Variants in MTA3 observed in about 807,000 individuals in gnomAD.
MTA3 encodes the protein metastasis-associated protein MTA3.
Under a neutral mutation model 83.5 loss-of-function variants are expected in MTA3, and 34 were observed. The ratio of observed to expected loss-of-function variants is 0.41; its 90% CI spans 0.31 to 0.54. MTA3 has a LOEUF of 0.54. Among genes scored for constraint, MTA3 ranks in the 20% least tolerant of loss-of-function variants. MTA3 has a pLI of 0.33. For missense variants in MTA3, 761 were observed against 726.4 expected (o/e 1.05, Z -0.55); for synonymous variants, 303 against 252.7 (o/e 1.20, Z -1.89).
In MTA3 at chr2:42,587,483, A is replaced by G. The variant is rs113420624; in HGVS notation, c.190+8283A>G. Among the ~76,000 whole-genome samples, 763 of 152,330 alleles carry G rather than the reference A, an allele frequency of 5.0e-3. 11 individuals are homozygous for G. The highest frequency in any genetic ancestry group is 0.017 in the African/African-American group (712 of 41,578). ...GTGAGAATTCTTGTGTATGAAATAA[A>G]ATACATACAAAAATGTATACACACG... is the stretch of plus-strand genomic sequence containing the variant. On this transcript the variant is annotated intron_variant, in intron 3 of 16. Transcript: ENST00000405094.
At chr2:42,645,506 C>T (rs1409436731) in intron 6 of MTA3, among the ~76,000 whole-genome samples, 2 of 149,622 alleles carry the variant, frequency 1.3e-5, no homozygotes, top group African/African-American at 5.0e-5. Context: ...GCTTGGGCAA[C>T]AGAGTGAGAC....
chr2:42,587,525 AT>A (rs1384459213), intron 3 of MTA3, among the ~76,000 whole-genome samples: 1 of 151,688 alleles, frequency 6.6e-6, no homozygotes, highest in African/African-American at 2.4e-5. Flanking sequence ...CCTTTGCAAT[AT>A]TTTTTTTCAA....
At chr2:42,549,663 T>C (rs1307702482) in intron 2 of MTA3, among the ~76,000 whole-genome samples, 4 of 128,970 alleles carry the variant, frequency 3.1e-5, no homozygotes, top group African/African-American at 9.1e-5. Flanking sequence ...ATTATATACA[T>C]ATACATATAT....
rs35095145 is a variant in MTA3, at chr2:42,728,996, T to G, written c.1759+5961T>G. Among the ~76,000 whole-genome samples, 4 of 151,924 alleles carry G rather than the reference T, an allele frequency of 2.6e-5. No individual in the cohort carries two copies. The East Asian group carries it at 7.7e-4, about 29-fold the overall frequency. ...TGTCTATTTTTGCTTTGGTTGCCTGTGCCTGTGGATATTACTCAAGAAATA... is the reference window on the plus strand; with the variant it reads ...TGTCTATTTTTGCTTTGGTTGCCTGGGCCTGTGGATATTACTCAAGAAATA... On this transcript the variant is annotated intron_variant, in intron 16 of 16. Coordinates refer to ENST00000405094, the MANE Select transcript of MTA3 (RefSeq NM_001330442.2).
Position 42,568,655 on chromosome 2 carries a change from G to A in MTA3, c.-91G>A. 1.0e-6 allele frequency: 1 copy of A among 996,958 alleles called. No individual in the cohort carries two copies. Among genetic ancestry groups the A allele is most frequent in the Non-Finnish European group, 1.3e-6 (1 of 792,286 alleles). The allele number at this position is 996,958 out of a possible 1,614,324, so 61.8% of individuals were successfully genotyped here. On this transcript the variant is annotated 5_prime_UTR_variant, in exon 1 of 17. Transcript: ENST00000405094. Reference sequence around the variant, plus strand: ...CCGTGGCGAGGCAGCAGCGACGGCGGCGGCGGCAGCGGCGGTCGCGGCTGA... The same window carrying A: ...CCGTGGCGAGGCAGCAGCGACGGCGACGGCGGCAGCGGCGGTCGCGGCTGA...
intron 4 of MTA3, among the ~76,000 whole-genome samples, chr2:42,623,816 A>G (rs976610824): frequency 2.7e-5 from 4 of 150,632 alleles, no homozygotes; most frequent in Non-Finnish European, 5.9e-5. Context: ...TCAGCCTCCC[A>G]AGTACCTGGG....
chr2:42,707,209 G>A (rs1046174381), intron 12 of MTA3, among the ~76,000 whole-genome samples: 2 of 151,536 alleles, frequency 1.3e-5, no homozygotes, highest in African/African-American at 4.8e-5. Flanking sequence ...TTGGAGTGGT[G>A]TCTGAACCCT....
chr2:42,572,739 TTTTTGAGA>T (rs1332116632), intron 2 of MTA3, among the ~76,000 whole-genome samples: 2 of 152,168 alleles, frequency 1.3e-5, no homozygotes, highest in African/African-American at 4.8e-5. Context: ...TGTTTTTTGT[TTTTTGAGA>T]TGAAGTTTTC....
At chr2:42,681,303 CT>C (rs2104434857) in intron 8 of MTA3, among the ~76,000 whole-genome samples, 1 of 152,192 alleles carries the variant, frequency 6.6e-6, no homozygotes, top group African/African-American at 2.4e-5. Context: ...TTTTGTTTTG[CT>C]TTTTCTGTGC....
At chr2:42,580,317 C>T (rs576261980) in intron 3 of MTA3, among the ~76,000 whole-genome samples, 1 of 151,916 alleles carries the variant, frequency 6.6e-6, no homozygotes, top group East Asian at 1.9e-4. Context: ...TCAGGGGTAC[C>T]TGTGCAGGAT....
At chr2:42,735,762 TC>T in intron 16 of MTA3, among the ~76,000 whole-genome samples, 1 of 152,370 alleles carries the variant, frequency 6.6e-6, no homozygotes. Context: ...GATGTATTTT[TC>T]AGTATGTCAA....
At chr2:42,628,230 A>G (rs896097282) in intron 4 of MTA3, among the ~76,000 whole-genome samples, 2 of 148,950 alleles carry the variant, frequency 1.3e-5, no homozygotes, top group Non-Finnish European at 3.0e-5. Context: ...TTATTTATTT[A>G]TTTATTTATT....
At chr2:42,584,922 C>A (rs1157362385) in intron 3 of MTA3, among the ~76,000 whole-genome samples, 1 of 151,500 alleles carries the variant, frequency 6.6e-6, no homozygotes. Flanking sequence ...AAAGTAAGTC[C>A]AGAAGCCATA....
intron 3 of MTA3, 76 bp downstream of exon 3, chr2:42,579,276 C>A: frequency 9.4e-7 from 1 of 1,065,860 alleles, no homozygotes; most frequent in Non-Finnish European, 1.4e-6. Context: ...CATGCTTTTT[C>A]TTACCTGAAG....
intron 4 of MTA3, among the ~76,000 whole-genome samples, chr2:42,629,870 C>T (rs1686503005): frequency 6.6e-6 from 1 of 151,976 alleles, no homozygotes; most frequent in Non-Finnish European, 1.5e-5. Context: ...CCTCTGCCTC[C>T]CAGGTTCAAG....
chr2:42,694,412 C>A (rs1228769627), intron 9 of MTA3, among the ~76,000 whole-genome samples: 1 of 152,168 alleles, frequency 6.6e-6, no homozygotes, highest in Non-Finnish European at 1.5e-5. Flanking sequence ...GGTCATGAGG[C>A]TTGTTGAGAA....
At position 42,753,749 on chromosome 2, in the gene MTA3, C is replaced by T. The variant is rs1670053795; in HGVS notation, c.*350C>T. 3 of 1,155,226 alleles carry T rather than the reference C, an allele frequency of 2.6e-6. No homozygotes were observed. The highest frequency in any genetic ancestry group is 4.4e-5 in the South Asian group (2 of 45,154). The allele number at this position is 1,155,226 out of a possible 1,614,324, so 71.6% of individuals were successfully genotyped here. On this transcript the variant is annotated 3_prime_UTR_variant, in exon 17 of 17. Coordinates refer to ENST00000405094, the MANE Select transcript of MTA3 (RefSeq NM_001330442.2). The stretch of plus-strand genomic sequence containing the variant: ...CGGCCACTTGGCAGTGGGGCTGCTG[C>T]AAGCTCAGAGCCGCTGCCACCCTGC...
rs961076363 is a variant in MTA3, at chr2:42,745,155, A to G, written c.1760-8219A>G. On this transcript the variant is annotated intron_variant, in intron 16 of 16. Transcript: ENST00000405094. The stretch of plus-strand genomic sequence containing the variant: ...TTTATCAGCAACTATTTACATATAA[A>G]TGAACATGAAAAGTGATGACATATA... 2.1e-4 allele frequency among the ~76,000 whole-genome samples: 32 copies of G among 152,278 alleles called. 2 individuals carry two copies. The highest frequency in any genetic ancestry group is 1.8e-3 in the Admixed American group (28 of 15,292).
intron 2 of MTA3, among the ~76,000 whole-genome samples, chr2:42,541,671 T>A (rs182556132): frequency 6.6e-6 from 1 of 152,292 alleles, no homozygotes; most frequent in East Asian, 1.9e-4. Context: ...CCATCATCAG[T>A]TGAGGGGCAT....
Sources: gnomAD v4.1 joint callset for allele counts (sites outside exome capture counted in the v4.1 genomes callset) on GRCh38, gnomAD v4.1.1 for gene constraint, MANE v1.5 for transcripts, NCBI Gene and HGNC (gene_info 2026-07-23, HGNC 2026-07-21) for gene names.